SEMA5A: variants seen among roughly 807,000 people sequenced by gnomAD.
SEMA5A encodes the protein semaphorin-5A.
Under a neutral mutation model 135.5 loss-of-function variants are expected in SEMA5A, and 55 were observed. The ratio of observed to expected loss-of-function variants is 0.41; its 90% CI spans 0.33 to 0.51. The LOEUF (loss-of-function observed/expected upper bound fraction) is 0.51, where lower values mean the gene tolerates loss of function less well. SEMA5A is among the 20% of genes least tolerant of loss of function. SEMA5A has a pLI of 0.37. For synonymous variants in SEMA5A, 580 were observed against 546.5 expected (o/e 1.06, Z -0.85); for missense variants, 1,290 against 1,419.9 (o/e 0.91, Z 1.47).
Position 9,065,033 on chromosome 5 carries a change from T to C in SEMA5A, c.2299+1388A>G, listed in dbSNP as rs957896179. On this transcript the variant is annotated intron_variant, in intron 17 of 22. Transcript: ENST00000382496. ...ACAAAATTAAAAAGAGTGACTATTA[T>C]TTTGTTACCCATTTTTCCAGGTGAG... 2.6e-5 allele frequency among the ~76,000 whole-genome samples: 4 copies of C among 152,358 alleles called. No individual in the cohort carries two copies. The South Asian group carries it at 8.3e-4, about 32-fold the overall frequency.
chr5:9,359,059 G>A (rs528149437), intron 3 of SEMA5A, among the ~76,000 whole-genome samples: 2 of 152,074 alleles, frequency 1.3e-5, no homozygotes, highest in East Asian at 1.9e-4. Flanking sequence ...TCCTAGACAG[G>A]CCCCCAGATC....
intron 1 of SEMA5A, among the ~76,000 whole-genome samples, chr5:9,488,059 G>A (rs1008281766): frequency 2.0e-5 from 3 of 152,022 alleles, no homozygotes; most frequent in Admixed American, 6.6e-5. Flanking sequence ...TAAATCATAC[G>A]GGGATAGCTG....
chr5:9,104,394 A>G (rs1237111887), intron 16 of SEMA5A, among the ~76,000 whole-genome samples: 1 of 152,208 alleles, frequency 6.6e-6, no homozygotes, highest in East Asian at 1.9e-4. Flanking sequence ...TGTAGTTATA[A>G]CTTAATTTCA....
chr5:9,343,379 G>A (rs55906264), intron 3 of SEMA5A, among the ~76,000 whole-genome samples: 6,270 of 152,160 alleles, frequency 0.041, 420 homozygotes, highest in African/African-American at 0.14. Flanking sequence ...ACAGGAGTTG[G>A]GGGGCAGGGA....
intron 16 of SEMA5A, among the ~76,000 whole-genome samples, chr5:9,100,759 T>C (rs1739583647): frequency 6.6e-6 from 1 of 152,086 alleles, no homozygotes; most frequent in Admixed American, 6.6e-5. Flanking sequence ...TCCAAAATAA[T>C]GGTTGGGATC....
intron 5 of SEMA5A, among the ~76,000 whole-genome samples, chr5:9,266,104 A>G (rs1749671474): frequency 1.3e-5 from 2 of 152,182 alleles, no homozygotes; most frequent in African/African-American, 4.8e-5. Context: ...ATGAGCTCCA[A>G]ATACTGCTGG....
At chr5:9,063,289 G>C (rs1737284115) in intron 17 of SEMA5A, among the ~76,000 whole-genome samples, 184 bp from the exon 18 acceptor site, 1 of 152,184 alleles carries the variant, frequency 6.6e-6, no homozygotes, top group Non-Finnish European at 1.5e-5. Context: ...TATCTCTCAA[G>C]CTTGTTTCCT....
At chr5:9,516,889 C>T (rs1429890107) in intron 1 of SEMA5A, 1 of 152,162 alleles carries the variant, frequency 6.6e-6, no homozygotes, top group Non-Finnish European at 1.5e-5. Flanking sequence ...AAGAACACAC[C>T]CATTATTTAC....
chr5:9,066,170 C>CTTT (rs1737452063), intron 17 of SEMA5A, among the ~76,000 whole-genome samples: 2 of 152,200 alleles, frequency 1.3e-5, no homozygotes, highest in African/African-American at 2.4e-5. Context: ...GATTCTGGGT[C>CTTT]TATAATAAAT....
intron 5 of SEMA5A, among the ~76,000 whole-genome samples, chr5:9,258,672 C>T (rs1236611003): frequency 6.6e-6 from 1 of 152,092 alleles, no homozygotes; most frequent in Non-Finnish European, 1.5e-5. Flanking sequence ...AAATAGCAAC[C>T]TCAAAGGGTC....
At chr5:9,069,647 AC>A (rs1299492916) in intron 16 of SEMA5A, among the ~76,000 whole-genome samples, 1 of 152,138 alleles carries the variant, frequency 6.6e-6, no homozygotes, top group African/African-American at 2.4e-5. Context: ...TAGGCTTTTA[AC>A]AGAAAATATG....
At chr5:9,507,095 TTG>T (rs1348316782) in intron 1 of SEMA5A, among the ~76,000 whole-genome samples, 50 of 152,222 alleles carry the variant, frequency 3.3e-4, no homozygotes, top group African/African-American at 1.2e-3. Context: ...AATAAAATAA[TTG>T]TAATAAATGA....
chr5:9,432,294 T>C (rs537350254), intron 2 of SEMA5A, among the ~76,000 whole-genome samples: 2 of 152,324 alleles, frequency 1.3e-5, no homozygotes, highest in Non-Finnish European at 2.9e-5. Flanking sequence ...AATGACAGGC[T>C]AAACCTTTAT....
At chr5:9,325,425 G>C (rs139394998) in intron 4 of SEMA5A, among the ~76,000 whole-genome samples, 1 of 152,128 alleles carries the variant, frequency 6.6e-6, no homozygotes, top group Non-Finnish European at 1.5e-5. Flanking sequence ...CCCATTCTTC[G>C]TTTCCCCACT....
chr5:9,276,436 C>T (rs539079359), intron 5 of SEMA5A, among the ~76,000 whole-genome samples: 17 of 152,280 alleles, frequency 1.1e-4, no homozygotes, highest in African/African-American at 3.4e-4. Context: ...CATTGACTTT[C>T]CTCACAGAAT....
At chr5:9,380,062 T>C in intron 2 of SEMA5A, 39 bp from the exon 3 acceptor site, 4 of 1,386,968 alleles carry the variant, frequency 2.9e-6, no homozygotes, top group Non-Finnish European at 3.9e-6. Context: ...TGACTGTGAG[T>C]TCGTTTTCTG....
intron 5 of SEMA5A, among the ~76,000 whole-genome samples, chr5:9,304,958 A>G (rs183280040): frequency 1.0e-3 from 156 of 152,274 alleles, no homozygotes; most frequent in Non-Finnish European, 2.0e-3. Context: ...TTTTGTCTAA[A>G]TGCATTCAAA....
chr5:9,047,728 T>A (rs546987052), intron 21 of SEMA5A, among the ~76,000 whole-genome samples: 1 of 152,264 alleles, frequency 6.6e-6, no homozygotes, highest in Admixed American at 6.5e-5. Context: ...AGCCCTACAA[T>A]AAGATTCATC....
chr5:9,219,984 A>C (rs901773650), intron 8 of SEMA5A, among the ~76,000 whole-genome samples: 1 of 152,198 alleles, frequency 6.6e-6, no homozygotes, highest in Non-Finnish European at 1.5e-5. Context: ...AATAGAAAAA[A>C]AAATGTGATT....
Sources: allele counts gnomAD v4.1 joint callset (sites outside exome capture counted in the v4.1 genomes callset), GRCh38; gene constraint gnomAD v4.1.1; transcripts MANE v1.5; gene names NCBI Gene and HGNC (gene_info 2026-07-23, HGNC 2026-07-21).